LTBP1: variants seen among roughly 807,000 people sequenced by gnomAD.
LTBP1 encodes latent-transforming growth factor beta-binding protein 1.
In LTBP1, 129 loss-of-function variants were observed where a neutral mutation model predicts 207.6. The ratio of observed to expected loss-of-function variants is 0.62; its 90% CI spans 0.54 to 0.72. The LOEUF is 0.72. Ranked by LOEUF, LTBP1 falls within the 30% of genes least tolerant of loss-of-function variation. The pLI, the probability that LTBP1 is intolerant of heterozygous loss-of-function variation, is 0.00. For synonymous variants in LTBP1, 963 were observed against 833.7 expected, an observed-to-expected ratio of 1.16 and a Z score of -2.67; for missense variants, 2,281 against 2,217.2, an observed-to-expected ratio of 1.03 and a Z score of -0.58.
chr2:33,133,947 G>A (rs1337657843), intron 4 of LTBP1, among the ~76,000 whole-genome samples: 1 of 152,068 alleles, frequency 6.6e-6, no homozygotes, highest in Admixed American at 6.5e-5. Flanking sequence ...ACATAGCCTC[G>A]GCTGTGTGGT....
chr2:33,051,856 C>T (rs1291180502), intron 3 of LTBP1, among the ~76,000 whole-genome samples: 1 of 152,166 alleles, frequency 6.6e-6, no homozygotes, highest in African/African-American at 2.4e-5. Context: ...ATCAACTCTC[C>T]CCAGGAAATG....
chr2:32,953,011 A>T (rs1677419749), intron 2 of LTBP1, among the ~76,000 whole-genome samples: 2 of 152,238 alleles, frequency 1.3e-5, no homozygotes, highest in Non-Finnish European at 2.9e-5. Flanking sequence ...TAGGGAGTGC[A>T]GGTCTGTTTT....
At chr2:33,144,857 A>G (rs2082891508) in intron 5 of LTBP1, among the ~76,000 whole-genome samples, 1 of 152,026 alleles carries the variant, frequency 6.6e-6, no homozygotes, top group Non-Finnish European at 1.5e-5. Context: ...GTGGAGAAAG[A>G]ATAATTAATT....
Position 32,975,583 on chromosome 2 carries a change from G to GTTTTTTTTTTTTTTT in LTBP1, c.565+26662_565+26676dup, listed in dbSNP as rs779168923. Among the ~76,000 whole-genome samples the GTTTTTTTTTTTTTTT allele has an allele frequency of 7.0e-4, 22 of 31,386 alleles. 7 individuals carry two copies. Among genetic ancestry groups the GTTTTTTTTTTTTTTT allele is most frequent in the South Asian group, 3.9e-3 (2 of 510 alleles). 20.6% of individuals were successfully genotyped at this position (31,386 alleles called of 152,430 possible). A position where few individuals can be genotyped will look rare whatever the true frequency, so the allele number is the denominator to read the frequency against. ...TTGTTGGAGGTTTCATTCATTCTTT[G>GTTTTTTTTTTTTTTT]TTTTTTTTTTTTTTTTTTTTTTTTT... On this transcript the variant is annotated intron_variant, in intron 2 of 33. Coordinates refer to ENST00000404816, the MANE Select transcript of LTBP1 (RefSeq NM_206943.4).
intron 24 of LTBP1, among the ~76,000 whole-genome samples, chr2:33,332,658 G>T (rs187071627): frequency 3.3e-5 from 5 of 151,906 alleles, no homozygotes; most frequent in Admixed American, 6.6e-5. Flanking sequence ...CCGGGTTCAC[G>T]CCATTCTCCT....
At chr2:33,115,025 C>A (rs2080647314) in intron 4 of LTBP1, among the ~76,000 whole-genome samples, 2 of 135,136 alleles carry the variant, frequency 1.5e-5, no homozygotes. Flanking sequence ...AAGGGATAAA[C>A]AAACAGATAT....
At chr2:32,982,061 G>C (rs1044290420) in intron 2 of LTBP1, among the ~76,000 whole-genome samples, 1 of 152,154 alleles carries the variant, frequency 6.6e-6, no homozygotes. Context: ...AGTTTGGAGG[G>C]CTCAGAAGAC....
chr2:33,077,446 C>T (rs1283204191), intron 3 of LTBP1, among the ~76,000 whole-genome samples: 2 of 152,098 alleles, frequency 1.3e-5, no homozygotes, highest in African/African-American at 4.8e-5. Flanking sequence ...TCTGGGGAGG[C>T]CTCAGGAGCT....
intron 19 of LTBP1, among the ~76,000 whole-genome samples, chr2:33,287,581 G>T (rs1004206820): frequency 6.6e-6 from 1 of 152,184 alleles, no homozygotes; most frequent in African/African-American, 2.4e-5. Context: ...GAGTTTTGCT[G>T]AAAGATAAAA....
chr2:33,180,030 G>A (rs551483936), intron 5 of LTBP1, among the ~76,000 whole-genome samples: 15 of 152,062 alleles, frequency 9.9e-5, no homozygotes, highest in Non-Finnish European at 1.9e-4. Context: ...CTCACCTCAA[G>A]GTCTTCACTC....
chr2:33,051,377 C>T (rs2076731626), intron 3 of LTBP1, among the ~76,000 whole-genome samples: 2 of 152,150 alleles, frequency 1.3e-5, no homozygotes, highest in South Asian at 4.2e-4. Flanking sequence ...GATTATGCCA[C>T]TTTAACTCCA....
intron 2 of LTBP1, among the ~76,000 whole-genome samples, chr2:32,981,842 C>A (rs1288210308): frequency 6.6e-6 from 1 of 152,276 alleles, no homozygotes; most frequent in South Asian, 2.1e-4. Flanking sequence ...GTAAGACGTG[C>A]TTTTGCTCCT....
At chr2:33,372,106 C>T (rs533083237) in intron 31 of LTBP1, among the ~76,000 whole-genome samples, 1 of 152,148 alleles carries the variant, frequency 6.6e-6, no homozygotes, top group Non-Finnish European at 1.5e-5. Flanking sequence ...AATACTACCC[C>T]TCCTTTTTCT....
chr2:32,992,051 T>G (rs974902380), intron 2 of LTBP1, among the ~76,000 whole-genome samples: 3 of 152,184 alleles, frequency 2.0e-5, no homozygotes, highest in African/African-American at 7.2e-5. Context: ...AGAATTTGTG[T>G]TTTCTCAGTG....
chr2:33,231,503 G>T (rs1412798535), intron 9 of LTBP1, among the ~76,000 whole-genome samples: 1 of 152,134 alleles, frequency 6.6e-6, no homozygotes, highest in Admixed American at 6.5e-5. Context: ...GGACTTTTTG[G>T]CTACAAAGCG....
chr2:33,026,246 A>G (rs1189608264), intron 3 of LTBP1, among the ~76,000 whole-genome samples: 2 of 152,080 alleles, frequency 1.3e-5, no homozygotes, highest in East Asian at 3.9e-4. Context: ...ACCTTGCTCA[A>G]TATTGAACCC....
At chr2:33,039,376 A>G (rs1442879187) in intron 3 of LTBP1, among the ~76,000 whole-genome samples, 2 of 152,006 alleles carry the variant, frequency 1.3e-5, no homozygotes, top group East Asian at 3.9e-4. Context: ...TAAGCTGTAA[A>G]TACTCCTGAA....
chr2:33,207,874 T>C (rs894695263), intron 7 of LTBP1, among the ~76,000 whole-genome samples: 1 of 152,224 alleles, frequency 6.6e-6, no homozygotes, highest in African/African-American at 2.4e-5. Context: ...AAGAACACCA[T>C]TTTGCTCAGA....
At chr2:33,265,264 A>G (rs1219814928) in intron 15 of LTBP1, among the ~76,000 whole-genome samples, 1 of 152,236 alleles carries the variant, frequency 6.6e-6, no homozygotes, top group Non-Finnish European at 1.5e-5. Context: ...ACCTTCACAG[A>G]GTATAAAGCA....
Sources: gnomAD v4.1 joint callset for allele counts (sites outside exome capture counted in the v4.1 genomes callset) on GRCh38, gnomAD v4.1.1 for gene constraint, MANE v1.5 for transcripts, NCBI Gene and HGNC (gene_info 2026-07-23, HGNC 2026-07-21) for gene names.